The following REC114 variants were observed in gnomAD, a reference collection of about 807,000 sequenced individuals.
The protein encoded by REC114 is meiotic recombination protein REC114.
Under a neutral mutation model 31.3 loss-of-function variants are expected in REC114, and 27 were observed. The ratio of observed to expected loss-of-function variants is 0.86; its 90% CI spans 0.64 to 1.19. REC114 has a LOEUF of 1.19. Among genes scored for constraint, REC114 ranks in the 50% most tolerant of loss-of-function variants. REC114 has a pLI of 0.00. For synonymous variants in REC114, 134 were observed against 127.7 expected (o/e 1.05, Z -0.33); for missense variants, 344 against 326.9 (o/e 1.05, Z -0.40).
chr15:73,547,433 T>TA (rs1894325888), intron 3 of REC114, among the ~76,000 whole-genome samples: 1 of 152,182 alleles, frequency 6.6e-6, no homozygotes, highest in Admixed American at 6.5e-5. Flanking sequence ...GGGACCCTGT[T>TA]AAATGGTTGG....
chr15:73,558,502 C>T (rs1430955225), intron 5 of REC114, among the ~76,000 whole-genome samples: 2 of 152,210 alleles, frequency 1.3e-5, no homozygotes, highest in Admixed American at 6.5e-5. Flanking sequence ...GGTTTTAAAA[C>T]ACTGCAGGTT....
chr15:73,465,882 C>T (rs1306108041), intron 1 of REC114, among the ~76,000 whole-genome samples: 3 of 152,044 alleles, frequency 2.0e-5, no homozygotes, highest in East Asian at 1.9e-4. Context: ...GACGGAGTCT[C>T]GCTCTGTCAC....
Position 73,456,872 on chromosome 15 carries a change from T to A in REC114, c.159+13528T>A, listed in dbSNP as rs541667974. 7.2e-5 allele frequency among the ~76,000 whole-genome samples: 11 copies of A among 152,280 alleles called. No individual in the cohort carries two copies. The East Asian group carries it at 1.9e-3, about 27-fold the overall frequency. On this transcript the variant is annotated intron_variant, in intron 1 of 5. Coordinates refer to ENST00000331090, the MANE Select transcript of REC114 (RefSeq NM_001042367.2). Reference sequence around the variant, plus strand: ...TATATGGAATGTAGCAATTCAATTATGTGGATGAAGAATTTTGAGATTAAC... The same window carrying A: ...TATATGGAATGTAGCAATTCAATTAAGTGGATGAAGAATTTTGAGATTAAC...
At chr15:73,550,133 A>T (rs1894367556) in intron 3 of REC114, among the ~76,000 whole-genome samples, 1 of 152,174 alleles carries the variant, frequency 6.6e-6, no homozygotes, top group African/African-American at 2.4e-5. Flanking sequence ...GGAGGCTTTT[A>T]TGTAGGTTGA....
At chr15:73,471,205 C>T (rs887050486) in intron 1 of REC114, among the ~76,000 whole-genome samples, 1 of 151,966 alleles carries the variant, frequency 6.6e-6, no homozygotes, top group Non-Finnish European at 1.5e-5. Context: ...TTATAATAAT[C>T]CAACTAGAGA....
chr15:73,464,347 ATAT>A (rs999377882), intron 1 of REC114, among the ~76,000 whole-genome samples: 2 of 151,906 alleles, frequency 1.3e-5, no homozygotes, highest in African/African-American at 4.8e-5. Flanking sequence ...ATACAGAAAT[ATAT>A]ATTTATTATT....
At chr15:73,455,023 C>T (rs754903518) in intron 1 of REC114, among the ~76,000 whole-genome samples, 5 of 152,296 alleles carry the variant, frequency 3.3e-5, no homozygotes, top group African/African-American at 1.2e-4. Context: ...TTGGCTTTTG[C>T]AGTGGTTTTG....
chr15:73,532,076 T>C (rs1894093297), intron 2 of REC114, among the ~76,000 whole-genome samples: 1 of 151,394 alleles, frequency 6.6e-6, no homozygotes, highest in Non-Finnish European at 1.5e-5. Flanking sequence ...GCTGGTGAGC[T>C]GCACCCACTA....
intron 2 of REC114, among the ~76,000 whole-genome samples, chr15:73,481,735 C>T (rs1364270537): frequency 2.7e-5 from 4 of 149,566 alleles, no homozygotes; most frequent in Admixed American, 2.0e-4. Flanking sequence ...CTCGGCTCAC[C>T]GCAACCTCTG....
chr15:73,486,077 C>T (rs1458206770), intron 2 of REC114, among the ~76,000 whole-genome samples: 1 of 152,094 alleles, frequency 6.6e-6, no homozygotes, highest in Admixed American at 6.6e-5. Context: ...AAATATGAGG[C>T]GAGGCAATCT....
intron 4 of REC114, 119 bp downstream of exon 4, chr15:73,551,269 G>A (rs1004248574): frequency 1.5e-5 from 15 of 1,013,524 alleles, no homozygotes; most frequent in Non-Finnish European, 2.9e-6. Context: ...AAACATCTAT[G>A]TTCGGTGACT....
chr15:73,490,250 G>A (rs1893425351), intron 2 of REC114, among the ~76,000 whole-genome samples: 1 of 152,162 alleles, frequency 6.6e-6, no homozygotes, highest in Admixed American at 6.5e-5. Context: ...GAAATCCACA[G>A]TGCTCTTCAC....
chr15:73,473,800 TTTTAC>T, intron 1 of REC114, 27 bp from the exon 2 acceptor site: 1 of 1,245,904 alleles, frequency 8.0e-7, no homozygotes. Flanking sequence ...ATGTATTATC[TTTTAC>T]ATATTTTTCT....
intron 5 of REC114, among the ~76,000 whole-genome samples, chr15:73,558,954 T>C (rs1894523161): frequency 6.6e-6 from 1 of 152,244 alleles, no homozygotes; most frequent in Non-Finnish European, 1.5e-5. Context: ...TGCAATGTAA[T>C]ACTTATTCAG....
chr15:73,481,650 CTT>C (rs530704232), intron 2 of REC114, among the ~76,000 whole-genome samples: 255 of 113,990 alleles, frequency 2.2e-3, no homozygotes, highest in African/African-American at 8.3e-3. Flanking sequence ...TCTTAACTCC[CTT>C]TTTTTTTTTT....
rs1360782137 is a variant in REC114 at position 73,443,259 on chromosome 15, G to C, written c.74G>C (p.Arg25Pro). The part of the protein sequence containing the change: ...GGEAAEWPLQ[R>P]YARCIPSNTR... ...GAAGCGGCAGAGTGGCCTCTGCAGCGGTACGCCCGCTGCATACCCTCAAAC... is the reference window on the plus strand; with the variant it reads ...GAAGCGGCAGAGTGGCCTCTGCAGCCGTACGCCCGCTGCATACCCTCAAAC... Residue 25 changes from arginine to proline, a missense_variant, in exon 1 of 6, where the codon CGG (arginine) becomes CCG (proline). By Grantham distance (103) the Arg-to-Pro change is moderately radical. Transcript: ENST00000331090. The C allele has an allele frequency of 6.4e-7, 1 of 1,573,840 alleles. No individual in the cohort carries two copies. Among genetic ancestry groups the C allele is most frequent in the Non-Finnish European group, 8.6e-7 (1 of 1,160,784 alleles).
chr15:73,540,914 A>C (rs1180872831), intron 3 of REC114, among the ~76,000 whole-genome samples: 1 of 152,152 alleles, frequency 6.6e-6, no homozygotes, highest in Non-Finnish European at 1.5e-5. Flanking sequence ...GATTCAGTGA[A>C]TATGTATTTT....
chr15:73,461,988 G>A (rs1253220784), intron 1 of REC114, among the ~76,000 whole-genome samples: 1 of 144,986 alleles, frequency 6.9e-6, no homozygotes, highest in East Asian at 2.0e-4. Context: ...CTGGAGTGCG[G>A]TGGTGCGATC....
chr15:73,444,300 C>G (rs1162418364), intron 1 of REC114, among the ~76,000 whole-genome samples: 1 of 152,214 alleles, frequency 6.6e-6, no homozygotes, highest in Admixed American at 6.5e-5. Context: ...TGTTTAATGG[C>G]ATTTTTACCC....
Sources: gnomAD v4.1 joint callset for allele counts (sites outside exome capture counted in the v4.1 genomes callset) on GRCh38, gnomAD v4.1.1 for gene constraint, MANE v1.5 for transcripts, NCBI Gene and HGNC (gene_info 2026-07-23, HGNC 2026-07-21) for gene names.